Variants in DENND2B observed in about 807,000 individuals in gnomAD.
DENND2B encodes DENN domain-containing protein 2B.
In DENND2B, 32 loss-of-function variants were observed where a neutral mutation model predicts 116.0. The ratio of observed to expected loss-of-function variants is 0.28; its 90% CI spans 0.21 to 0.37. DENND2B has a LOEUF of 0.37. Among genes scored for constraint, DENND2B ranks in the 10% least tolerant of loss-of-function variants. The pLI, the probability that DENND2B is intolerant of heterozygous loss-of-function variation, is 1.00. For synonymous variants in DENND2B, 588 were observed against 583.9 expected, an observed-to-expected ratio of 1.01 and a Z score of -0.10; for missense variants, 1,276 against 1,477.7, an observed-to-expected ratio of 0.86 and a Z score of 2.24.
intron 4 of DENND2B, among the ~76,000 whole-genome samples, chr11:8,823,147 T>A (rs1366723748): frequency 6.6e-6 from 1 of 152,098 alleles, no homozygotes; most frequent in Non-Finnish European, 1.5e-5. Context: ...TATATATTTG[T>A]ATATAATATA....
intron 1 of DENND2B, among the ~76,000 whole-genome samples, chr11:8,805,738 G>C (rs1219430628): frequency 2.6e-5 from 4 of 152,174 alleles, no homozygotes; most frequent in African/African-American, 7.2e-5. Context: ...CAGACAGAGT[G>C]GGGGAGAGAG....
At chr11:8,734,745 C>T (rs1008587947) in intron 2 of DENND2B, among the ~76,000 whole-genome samples, 6 of 145,714 alleles carry the variant, frequency 4.1e-5, no homozygotes, top group Admixed American at 1.4e-4. Flanking sequence ...GCCGAGATCA[C>T]GCCATTGCAC....
chr11:8,779,344 AT>A (rs1328045326), intron 1 of DENND2B, among the ~76,000 whole-genome samples: 1 of 152,166 alleles, frequency 6.6e-6, no homozygotes, highest in Non-Finnish European at 1.5e-5. Context: ...TTTTTCTCAC[AT>A]TCAACTGAGG....
intron 1 of DENND2B, among the ~76,000 whole-genome samples, chr11:8,901,489 C>T (rs374130695): frequency 6.6e-6 from 1 of 152,074 alleles, no homozygotes; most frequent in South Asian, 2.1e-4. Context: ...CTCAGCCTCC[C>T]AAAGTGCTGG....
intron 1 of DENND2B, among the ~76,000 whole-genome samples, chr11:8,901,577 C>A (rs2064172203): frequency 6.6e-6 from 1 of 152,114 alleles, no homozygotes; most frequent in Admixed American, 6.5e-5. Context: ...GACCTATATT[C>A]TTTTCTAATA....
intron 1 of DENND2B, among the ~76,000 whole-genome samples, chr11:8,780,105 C>G (rs2058229653): frequency 6.6e-6 from 1 of 152,270 alleles, no homozygotes; most frequent in Non-Finnish European, 1.5e-5. Flanking sequence ...CCAGGACAAC[C>G]ATCTTTCCTC....
chr11:8,813,163 C>T (rs1324545284), upstream of DENND2B, among the ~76,000 whole-genome samples: 1 of 152,122 alleles, frequency 6.6e-6, no homozygotes, highest in Non-Finnish European at 1.5e-5. Flanking sequence ...ACAACATTCT[C>T]AAAACAAGAT....
chr11:8,859,235 G>T (rs1175148611), intron 2 of DENND2B, among the ~76,000 whole-genome samples: 9 of 151,936 alleles, frequency 5.9e-5, no homozygotes, highest in Non-Finnish European at 1.2e-4. Flanking sequence ...CTTTCCCTCA[G>T]TTGTATTGTA....
chr11:8,780,448 G>T (rs2058263511), intron 1 of DENND2B, among the ~76,000 whole-genome samples: 1 of 152,176 alleles, frequency 6.6e-6, no homozygotes, highest in Non-Finnish European at 1.5e-5. Flanking sequence ...CTTGTGCTAG[G>T]CCTGGAAGAT....
intron 1 of DENND2B, among the ~76,000 whole-genome samples, chr11:8,765,938 C>T (rs1229389381): frequency 3.9e-5 from 6 of 152,180 alleles, no homozygotes; most frequent in African/African-American, 1.4e-4. Context: ...ACTAGGGAGG[C>T]TGAGGCAGGA....
At position 8,770,885 on chromosome 11, in the gene DENND2B, C is replaced by T. The variant is rs768985112; in HGVS notation, c.-25-20160G>A. On this transcript the variant is annotated intron_variant, in intron 1 of 19. Coordinates refer to ENST00000313726, the MANE Select transcript of DENND2B (RefSeq NM_213618.2). ...TTGCCACTCCACGAACGACTCCATACTTGTGTGCACAGGGAAGTACGCACA... is the reference window on the plus strand; with the variant it reads ...TTGCCACTCCACGAACGACTCCATATTTGTGTGCACAGGGAAGTACGCACA... Among the ~76,000 whole-genome samples, 19 of 152,282 alleles carry T rather than the reference C, an allele frequency of 1.2e-4. 1 individual carries two copies. The South Asian group carries it at 2.1e-3, about 17-fold the overall frequency.
chr11:8,862,398 C>G (rs555028487), intron 2 of DENND2B, among the ~76,000 whole-genome samples: 7 of 141,404 alleles, frequency 5.0e-5, no homozygotes, highest in Non-Finnish European at 9.0e-5. Flanking sequence ...GCCACAGTCT[C>G]GACTCACTGC....
chr11:8,737,519 G>A (rs1046051414), intron 2 of DENND2B, among the ~76,000 whole-genome samples: 3 of 152,120 alleles, frequency 2.0e-5, no homozygotes, highest in Non-Finnish European at 2.9e-5. Context: ...AGGGAAGCAC[G>A]ACTGGAAAAA....
upstream of DENND2B, among the ~76,000 whole-genome samples, chr11:8,874,214 T>C (rs777347736): frequency 1.3e-5 from 2 of 152,210 alleles, no homozygotes; most frequent in Non-Finnish European, 2.9e-5. Context: ...AGTTTCCTAA[T>C]CTTTAGAAGC....
intron 2 of DENND2B, among the ~76,000 whole-genome samples, chr11:8,737,252 A>G (rs2049218683): frequency 1.3e-5 from 2 of 152,236 alleles, no homozygotes; most frequent in African/African-American, 4.8e-5. Flanking sequence ...GTAGCTAGAG[A>G]AGTCCAAGTG....
chr11:8,799,180 T>C (rs1476704900), intron 1 of DENND2B, among the ~76,000 whole-genome samples: 1 of 152,078 alleles, frequency 6.6e-6, no homozygotes, highest in Non-Finnish European at 1.5e-5. Flanking sequence ...CTTATTAGAG[T>C]TCAGTTGACA....
intron 3 of DENND2B, among the ~76,000 whole-genome samples, chr11:8,844,816 C>T (rs1408230615): frequency 6.6e-6 from 1 of 151,910 alleles, no homozygotes; most frequent in Non-Finnish European, 1.5e-5. Context: ...CTCACTGCAG[C>T]CTCAAACTCC....
At chr11:8,908,544 C>A (rs1031608644) in intron 1 of DENND2B, among the ~76,000 whole-genome samples, 4 of 152,116 alleles carry the variant, frequency 2.6e-5, no homozygotes, top group Admixed American at 6.5e-5. Flanking sequence ...ACCTTGAAAT[C>A]CATAAAAAAT....
intron 2 of DENND2B, among the ~76,000 whole-genome samples, chr11:8,867,573 CTTTTT>C (rs33990941): frequency 1.1e-5 from 1 of 89,228 alleles, no homozygotes; most frequent in Admixed American, 1.8e-4. Flanking sequence ...TAAAATTCAG[CTTTTT>C]TTTTTTTTTT....
Sources: allele counts gnomAD v4.1 joint callset (sites outside exome capture counted in the v4.1 genomes callset), GRCh38; gene constraint gnomAD v4.1.1; transcripts MANE v1.5; gene names NCBI Gene and HGNC (gene_info 2026-07-23, HGNC 2026-07-21).